Variants in MLLT3 observed in about 807,000 individuals in gnomAD.
The protein encoded by MLLT3 is protein AF-9.
In MLLT3, 4 loss-of-function variants were observed where a neutral mutation model predicts 53.2. The observed-to-expected ratio is 0.08, with a 90% CI of 0.04 to 0.17. MLLT3 has a LOEUF of 0.17. Among genes scored for constraint, MLLT3 ranks in the 10% least tolerant of loss-of-function variants. MLLT3 has a pLI of 1.00. For synonymous variants in MLLT3, 283 were observed against 230.6 expected (o/e 1.23, Z -2.06); for missense variants, 569 against 684.0 (o/e 0.83, Z 1.87).
chr9:20,561,828 G>A (rs1819221228), intron 2 of MLLT3, among the ~76,000 whole-genome samples: 1 of 152,072 alleles, frequency 6.6e-6, no homozygotes, highest in African/African-American at 2.4e-5. Flanking sequence ...ACCCTCTGTA[G>A]GCTTTGGGAC....
At chr9:20,618,478 TG>T (rs1301387766) in intron 2 of MLLT3, among the ~76,000 whole-genome samples, 2 of 152,234 alleles carry the variant, frequency 1.3e-5, no homozygotes, top group African/African-American at 4.8e-5. Context: ...TCCTGGGTGA[TG>T]TAAGCTGGCA....
intron 2 of MLLT3, among the ~76,000 whole-genome samples, chr9:20,464,216 A>G (rs1178959384): frequency 2.0e-5 from 3 of 152,060 alleles, no homozygotes; most frequent in Non-Finnish European, 4.4e-5. Flanking sequence ...GTTAATTTAT[A>G]AAATTATACT....
intron 2 of MLLT3, among the ~76,000 whole-genome samples, chr9:20,477,952 A>C (rs1450971914): frequency 6.6e-6 from 1 of 152,254 alleles, no homozygotes; most frequent in Non-Finnish European, 1.5e-5. Context: ...GTTGCAGAAG[A>C]AGCGCTGTTC....
At chr9:20,372,078 G>A (rs1283893697) in intron 5 of MLLT3, among the ~76,000 whole-genome samples, 1 of 152,194 alleles carries the variant, frequency 6.6e-6, no homozygotes, top group Non-Finnish European at 1.5e-5. Context: ...AGAATTAGAA[G>A]TGGAGTCTGA....
At position 20,367,066 on chromosome 9, in the gene MLLT3, G is replaced by A. The variant is rs556323110; in HGVS notation, c.1126-1322C>T. 2.0e-4 allele frequency among the ~76,000 whole-genome samples: 30 copies of A among 152,286 alleles called. No homozygotes were observed. In the East Asian group the frequency reaches 5.0e-3, roughly 25 times the overall value. On this transcript the variant is annotated intron_variant, in intron 5 of 10. Coordinates refer to ENST00000380338, the MANE Select transcript of MLLT3 (RefSeq NM_004529.4). Reference sequence around the variant, plus strand: ...CAATATTCATAACAAGACCCAGACAGGTCCAAATGAGTCAAGGGAAAATGT... The same window carrying A: ...CAATATTCATAACAAGACCCAGACAAGTCCAAATGAGTCAAGGGAAAATGT...
chr9:20,606,084 T>G (rs899531523), intron 2 of MLLT3, among the ~76,000 whole-genome samples: 1 of 152,166 alleles, frequency 6.6e-6, no homozygotes, highest in African/African-American at 2.4e-5. Flanking sequence ...AAGTAATTAA[T>G]GACGAGAATT....
intron 10 of MLLT3, among the ~76,000 whole-genome samples, 158 bp from the exon 11 acceptor site, chr9:20,346,732 G>C (rs1820880340): frequency 6.6e-6 from 1 of 152,102 alleles, no homozygotes; most frequent in African/African-American, 2.4e-5. Context: ...AACTGTCTCA[G>C]TCAACTTGAT....
At chr9:20,450,092 C>T (rs1823802081) in intron 3 of MLLT3, among the ~76,000 whole-genome samples, 1 of 152,204 alleles carries the variant, frequency 6.6e-6, no homozygotes, top group Admixed American at 6.6e-5. Flanking sequence ...TTGTCCTATC[C>T]TCTGTTATCT....
At chr9:20,474,480 T>C (rs975394281) in intron 2 of MLLT3, among the ~76,000 whole-genome samples, 2 of 152,104 alleles carry the variant, frequency 1.3e-5, no homozygotes, top group African/African-American at 4.8e-5. Context: ...CCCTATCTTG[T>C]CATTCTGTTC....
intron 5 of MLLT3, among the ~76,000 whole-genome samples, chr9:20,379,097 T>C (rs897662310): frequency 1.3e-5 from 2 of 152,068 alleles, no homozygotes; most frequent in African/African-American, 4.8e-5. Context: ...TTTTACCGCC[T>C]TTTCTCACCA....
rs570750367 is a variant in MLLT3, at chr9:20,614,596, G to C, written c.193+6058C>G. On this transcript the variant is annotated intron_variant, in intron 2 of 10. Coordinates refer to ENST00000380338, the MANE Select transcript of MLLT3 (RefSeq NM_004529.4). ...TATATATGAAAATTTCAGATAACTC[G>C]TCCATGGTTTGACTTTTCTACAATG... is the stretch of plus-strand genomic sequence containing the variant. Among the ~76,000 whole-genome samples the C allele has an allele frequency of 4.6e-5, 7 of 151,844 alleles. No individual in the cohort carries two copies. In the East Asian group the frequency reaches 1.2e-3, roughly 25 times the overall value.
chr9:20,345,439 G>C lies in MLLT3; in HGVS notation c.*1004C>G, dbSNP rs1454405526. 1.5e-5 allele frequency: 3 copies of C among 206,174 alleles called. No individual in the cohort carries two copies. The highest frequency in any genetic ancestry group is 2.9e-5 in the Non-Finnish European group (3 of 101,714). 12.8% of individuals were successfully genotyped at this position (206,174 alleles called of 1,614,324 possible). On this transcript the variant is annotated 3_prime_UTR_variant, in exon 11 of 11. Coordinates refer to ENST00000380338, the MANE Select transcript of MLLT3 (RefSeq NM_004529.4). ...AAGCTGAAACTCTGACTAATAAATA[G>C]ATCCAAATTAAGAATTTCTACAACA...
At chr9:20,410,936 C>T (rs1822712111) in intron 5 of MLLT3, among the ~76,000 whole-genome samples, 1 of 152,166 alleles carries the variant, frequency 6.6e-6, no homozygotes, top group African/African-American at 2.4e-5. Flanking sequence ...AGTCCATGAT[C>T]TCTGCCCATT....
chr9:20,459,909 C>T (rs369858776), intron 2 of MLLT3, among the ~76,000 whole-genome samples: 2 of 152,160 alleles, frequency 1.3e-5, no homozygotes, highest in East Asian at 1.9e-4. Flanking sequence ...GAACTTTTTA[C>T]ACACAATAAA....
intron 2 of MLLT3, among the ~76,000 whole-genome samples, chr9:20,526,816 T>C (rs1391018721): frequency 6.6e-6 from 1 of 152,184 alleles, no homozygotes; most frequent in African/African-American, 2.4e-5. Context: ...CAATACTTCA[T>C]TGTCTTTAGC....
intron 2 of MLLT3, among the ~76,000 whole-genome samples, chr9:20,578,657 C>A (rs1485438886): frequency 1.3e-5 from 2 of 151,976 alleles, no homozygotes; most frequent in Non-Finnish European, 2.9e-5. Flanking sequence ...CAACTGAGGA[C>A]CTGCATTTTA....
intron 8 of MLLT3, among the ~76,000 whole-genome samples, chr9:20,360,212 A>G (rs1336581629): frequency 2.0e-5 from 3 of 152,222 alleles, no homozygotes; most frequent in Non-Finnish European, 1.5e-5. Context: ...ATAAACTACC[A>G]TCAACTGAGT....
intron 2 of MLLT3, among the ~76,000 whole-genome samples, chr9:20,555,152 A>G (rs1819022929): frequency 6.6e-6 from 1 of 152,150 alleles, no homozygotes; most frequent in Non-Finnish European, 1.5e-5. Flanking sequence ...ACGAGTCTTC[A>G]GATAGCACTC....
chr9:20,463,465 C>G (rs1382752582), intron 2 of MLLT3, among the ~76,000 whole-genome samples: 2 of 152,034 alleles, frequency 1.3e-5, no homozygotes, highest in East Asian at 3.8e-4. Context: ...GAACGTATAA[C>G]AAATAAGCCA....
Sources: gnomAD v4.1 joint callset for allele counts (sites outside exome capture counted in the v4.1 genomes callset) on GRCh38, gnomAD v4.1.1 for gene constraint, MANE v1.5 for transcripts, NCBI Gene and HGNC (gene_info 2026-07-23, HGNC 2026-07-21) for gene names.